IQSEC1: variants seen among roughly 807,000 people sequenced by gnomAD.
The protein encoded by IQSEC1 is IQ motif and SEC7 domain-containing protein 1.
In IQSEC1, 31 loss-of-function variants were observed where a neutral mutation model predicts 91.0. The ratio of observed to expected loss-of-function variants is 0.34; its 90% confidence interval spans 0.26 to 0.46. The LOEUF is 0.46. Among genes scored for constraint, IQSEC1 ranks in the 20% least tolerant of loss-of-function variants. IQSEC1 has a pLI of 1.00. For synonymous variants in IQSEC1, 699 were observed against 662.6 expected, an observed-to-expected ratio of 1.05 and a Z score of -0.84; for missense variants, 1,388 against 1,575.6, an observed-to-expected ratio of 0.88 and a Z score of 2.02.
intron 1 of IQSEC1, among the ~76,000 whole-genome samples, chr3:12,964,145 C>G (rs1175035965): frequency 1.3e-5 from 2 of 152,246 alleles, no homozygotes; most frequent in African/African-American, 4.8e-5. Context: ...CATCAATTTC[C>G]TCTCTGCAGC....
At chr3:13,154,260 G>A (rs1707045209) in intron 2 of IQSEC1, among the ~76,000 whole-genome samples, 2 of 150,148 alleles carry the variant, frequency 1.3e-5, no homozygotes, top group Admixed American at 1.3e-4. Flanking sequence ...CAGGGTCACC[G>A]CATGTTCAAG....
intron 1 of IQSEC1, among the ~76,000 whole-genome samples, chr3:12,953,228 G>A (rs1699676436): frequency 6.6e-6 from 1 of 152,222 alleles, no homozygotes; most frequent in Admixed American, 6.5e-5. Flanking sequence ...TGGTCTCCGT[G>A]CGCCGTAGAC....
At chr3:12,944,209 C>T (rs1248238511) in intron 1 of IQSEC1, among the ~76,000 whole-genome samples, 1 of 152,220 alleles carries the variant, frequency 6.6e-6, no homozygotes, top group Non-Finnish European at 1.5e-5. Context: ...CCCTCCCCTA[C>T]AGCCCCCACC....
intron 1 of IQSEC1, among the ~76,000 whole-genome samples, chr3:13,027,919 T>C (rs1703683670): frequency 6.6e-6 from 1 of 152,212 alleles, no homozygotes; most frequent in Admixed American, 6.5e-5. Flanking sequence ...TACAATGATA[T>C]GTAGGTTAAT....
intron 2 of IQSEC1, among the ~76,000 whole-genome samples, chr3:13,099,019 T>C (rs1026293042): frequency 5.9e-5 from 9 of 152,112 alleles, no homozygotes; most frequent in Admixed American, 2.6e-4. Context: ...AGAAAAGACA[T>C]TGGGATAAGA....
At chr3:13,168,941 CTG>C (rs1576280311) in intron 1 of IQSEC1, among the ~76,000 whole-genome samples, 1 of 152,210 alleles carries the variant, frequency 6.6e-6, no homozygotes, top group African/African-American at 2.4e-5. Context: ...TGCTTATTGT[CTG>C]TCTTTCCTAA....
At chr3:12,984,458 A>G (rs1345421332) in intron 1 of IQSEC1, among the ~76,000 whole-genome samples, 1 of 152,210 alleles carries the variant, frequency 6.6e-6, no homozygotes, top group Admixed American at 6.5e-5. Context: ...GCCCTCATGC[A>G]GTGCACAACC....
At chr3:13,231,916 T>C (rs981659125) in intron 1 of IQSEC1, among the ~76,000 whole-genome samples, 38 of 152,354 alleles carry the variant, frequency 2.5e-4, no homozygotes, top group African/African-American at 8.7e-4. Context: ...CATCTGCTCT[T>C]CCAATGCACT....
chr3:13,144,736 A>G (rs956784299), intron 2 of IQSEC1, among the ~76,000 whole-genome samples: 5 of 152,258 alleles, frequency 3.3e-5, no homozygotes, highest in African/African-American at 1.2e-4. Flanking sequence ...AGAGCTGACA[A>G]GAAATCCACA....
intron 1 of IQSEC1, among the ~76,000 whole-genome samples, chr3:12,993,738 G>A (rs360838): frequency 6.6e-6 from 1 of 152,250 alleles, no homozygotes; most frequent in Non-Finnish European, 1.5e-5. Flanking sequence ...CGACACCGCA[G>A]AGCCCAGCTC....
At chr3:13,058,848 TG>T (rs370464831) in intron 1 of IQSEC1, among the ~76,000 whole-genome samples, 21 of 152,314 alleles carry the variant, frequency 1.4e-4, no homozygotes, top group African/African-American at 4.8e-4. Context: ...AGCATTTTCC[TG>T]GCAGAGAGCT....
chr3:13,151,440 G>A (rs1706997239), intron 2 of IQSEC1, among the ~76,000 whole-genome samples: 1 of 152,210 alleles, frequency 6.6e-6, no homozygotes, highest in Admixed American at 6.5e-5. Context: ...CTGGAAAATG[G>A]TTGGTGGATG....
rs774849228 is a variant in IQSEC1, at chr3:13,055,281, G to A, written c.23+17711C>T. Among the ~76,000 whole-genome samples the A allele has an allele frequency of 6.0e-4, 92 of 152,340 alleles. 2 individuals carry two copies. In the Middle Eastern group the frequency reaches 0.01, roughly 17 times the overall value. The stretch of plus-strand genomic sequence containing the variant: ...TCCTGGACAGAGAGCCCAGGGTAGC[G>A]AGGCGGAAGCCCTGGGGTGAGACTT... On this transcript the variant is annotated intron_variant, in intron 1 of 13. Transcript: ENST00000613206.
chr3:13,182,415 AAT>A, intron 1 of IQSEC1, among the ~76,000 whole-genome samples: 1 of 152,322 alleles, frequency 6.6e-6, no homozygotes, highest in Non-Finnish European at 1.5e-5. Flanking sequence ...TCATGGTAAA[AAT>A]ATTGTGTGTC....
Position 13,193,018 on chromosome 3 carries a change from C to T in IQSEC1, c.273-28885G>A, listed in dbSNP as rs1487971800. ...ACAGGGGCCATCTCTGGGCAGTGGG[C>T]GAAGGTCCAGTCCTGGCCATGTAGC... On this transcript the variant is annotated intron_variant, in intron 1 of 15. Coordinates refer to the IQSEC1 transcript ENST00000648114. This position sits in a 1 kb window ranked among gnomAD's most constrained non-coding sequence, Gnocchi z 4.2. Among the ~76,000 whole-genome samples, 1 of 152,242 alleles carries T rather than the reference C, an allele frequency of 6.6e-6. No homozygotes were observed. The highest frequency in any genetic ancestry group is 1.5e-5 in the Non-Finnish European group (1 of 68,050).
rs1693724930 is a variant in IQSEC1 at position 12,897,125 on chromosome 3, A to G, written c.*3858T>C. The G allele has an allele frequency of 1.3e-5, 2 of 152,252 alleles. No homozygotes were observed. Among genetic ancestry groups the G allele is most frequent in the Non-Finnish European group, 1.5e-5 (1 of 68,040 alleles). 9.4% of individuals were successfully genotyped at this position (152,252 alleles called of 1,614,324 possible). Reference sequence around the variant, plus strand: ...ATGTCTTCAAGGAAAGTGAGTGCCCAGAGTCACAACAAGTAATGGGGAAAC... The same window carrying G: ...ATGTCTTCAAGGAAAGTGAGTGCCCGGAGTCACAACAAGTAATGGGGAAAC... On this transcript the variant is annotated 3_prime_UTR_variant, in exon 14 of 14. Transcript: ENST00000613206.
intron 1 of IQSEC1, among the ~76,000 whole-genome samples, chr3:12,961,650 A>G (rs2125485490): frequency 6.6e-6 from 1 of 151,484 alleles, no homozygotes; most frequent in South Asian, 2.1e-4. Context: ...TAAACAATCC[A>G]CTCCCATCTA....
Position 12,922,392 on chromosome 3 carries a change from C to G in IQSEC1, c.1731-150G>C, listed in dbSNP as rs1403616780. 1 of 985,670 alleles carries G rather than the reference C, an allele frequency of 1.0e-6. No homozygotes were observed. Among genetic ancestry groups the G allele is most frequent in the African/African-American group, 1.7e-5 (1 of 59,758 alleles). 61.1% of individuals were successfully genotyped at this position (985,670 alleles called of 1,614,324 possible). ...CTGACTCCGACCAATCAGCCAAGAG[C>G]CCTCAGAATGCAGCAAAAAGACCTC... On this transcript the variant is annotated intron_variant, in intron 4 of 13. Transcript: ENST00000613206. This position sits in a 1 kb window ranked among gnomAD's most constrained non-coding sequence, Gnocchi z 5.1.
chr3:12,899,109 G>A lies in IQSEC1; in HGVS notation c.*1874C>T. The A allele has an allele frequency of 1.9e-6, 1 of 518,776 alleles. No individual in the cohort carries two copies. Among genetic ancestry groups the A allele is most frequent in the South Asian group, 2.5e-5 (1 of 39,506 alleles). 32.1% of individuals were successfully genotyped at this position (518,776 alleles called of 1,614,324 possible). A position where few individuals can be genotyped will look rare whatever the true frequency, so the allele number is the denominator to read the frequency against. Reference sequence around the variant, plus strand: ...TTTGCTCTCTCTGGAGATTAACAAAGTGCTTGGTTTGCAGATTTGCTGGTA... The same window carrying A: ...TTTGCTCTCTCTGGAGATTAACAAAATGCTTGGTTTGCAGATTTGCTGGTA... On this transcript the variant is annotated 3_prime_UTR_variant, in exon 14 of 14. Transcript: ENST00000613206.
Sources: gnomAD v4.1 joint callset for allele counts (sites outside exome capture counted in the v4.1 genomes callset) on GRCh38, gnomAD v4.1.1 for gene constraint, Gnocchi (gnomAD v3.1) non-coding constraint, MANE v1.5 for transcripts, NCBI Gene and HGNC (gene_info 2026-07-23, HGNC 2026-07-21) for gene names.